SLIT3: variants seen among roughly 807,000 people sequenced by gnomAD.
SLIT3 encodes the protein slit homolog 3 protein.
SLIT3 carries 68 observed loss-of-function variants against 184.0 expected under a neutral mutation model. That is an observed-to-expected ratio of 0.37 (90% confidence interval 0.30 to 0.45). The LOEUF (loss-of-function observed/expected upper bound fraction) is 0.45. SLIT3 is among the 20% of genes least tolerant of loss of function. The pLI is 1.00. For missense variants in SLIT3, 1,707 were observed against 2,026.0 expected (o/e 0.84, Z 3.02); for synonymous variants, 831 against 828.6 (o/e 1.00, Z -0.05).
chr5:168,793,411 A>G (rs1756453824), intron 10 of SLIT3, among the ~76,000 whole-genome samples: 1 of 152,130 alleles, frequency 6.6e-6, no homozygotes, highest in Admixed American at 6.5e-5. Context: ...CTCCCAAACC[A>G]TTGATTGCAC....
At chr5:168,962,938 T>A (rs1763067182) in intron 4 of SLIT3, among the ~76,000 whole-genome samples, 1 of 152,192 alleles carries the variant, frequency 6.6e-6, no homozygotes, top group Non-Finnish European at 1.5e-5. Context: ...TCCTTCCCCA[T>A]CACTCCATCC....
At chr5:168,692,903 C>T (rs999414215) in intron 28 of SLIT3, among the ~76,000 whole-genome samples, 2 of 152,166 alleles carry the variant, frequency 1.3e-5, no homozygotes, top group Non-Finnish European at 2.9e-5. Context: ...TTGGCAGTGA[C>T]CACGGGAAGA....
rs187770166 is a variant in SLIT3 at position 168,755,623 on chromosome 5, A to C, written c.1686-1616T>G. ...CTAATTTTTTGTATTTTTAGTAGAG[A>C]TAGGGTTTCACCATGTTGGCCAGGC... On this transcript the variant is annotated intron_variant, in intron 16 of 35. Coordinates refer to ENST00000519560, the MANE Select transcript of SLIT3 (RefSeq NM_003062.4). Among the ~76,000 whole-genome samples, 587 of 151,936 alleles carry C rather than the reference A, an allele frequency of 3.9e-3. 5 individuals carry two copies. Among genetic ancestry groups the C allele is most frequent in the Non-Finnish European group, 6.5e-3 (442 of 67,994 alleles).
intron 4 of SLIT3, among the ~76,000 whole-genome samples, chr5:168,891,914 G>C (rs537609279): frequency 6.6e-6 from 1 of 152,172 alleles, no homozygotes. Context: ...GTCAGAAAGC[G>C]AGCTGGGGAT....
chr5:168,714,335 G>C (rs1170214731), intron 23 of SLIT3, among the ~76,000 whole-genome samples: 2 of 152,334 alleles, frequency 1.3e-5, no homozygotes, highest in African/African-American at 4.8e-5. Context: ...CCCCTGGAGA[G>C]GCATGAGGCC....
chr5:169,188,571 C>T (rs1445599922), intron 4 of SLIT3, among the ~76,000 whole-genome samples: 1 of 152,142 alleles, frequency 6.6e-6, no homozygotes, highest in Admixed American at 6.5e-5. Context: ...GTGCAGTGTT[C>T]ATCCAACCCT....
chr5:168,714,160 A>G (rs1252540735), intron 23 of SLIT3, among the ~76,000 whole-genome samples: 1 of 152,204 alleles, frequency 6.6e-6, no homozygotes, highest in Non-Finnish European at 1.5e-5. Context: ...CCGAGTAAGG[A>G]AGAGCTAGAA....
chr5:168,930,301 G>C (rs1045158166), intron 4 of SLIT3, among the ~76,000 whole-genome samples: 1 of 152,318 alleles, frequency 6.6e-6, no homozygotes, highest in African/African-American at 2.4e-5. Context: ...GTGAGGAGGA[G>C]AGTAAACCCT....
At chr5:169,275,463 G>A (rs745735112) in intron 1 of SLIT3, among the ~76,000 whole-genome samples, 9 of 152,146 alleles carry the variant, frequency 5.9e-5, no homozygotes, top group Non-Finnish European at 1.2e-4. Context: ...TCCTGATGTC[G>A]CTGTGTCACA....
chr5:169,089,058 A>AAAAAAAAAAAAAAAAAGG (rs1759461176), intron 4 of SLIT3, among the ~76,000 whole-genome samples: 1 of 137,254 alleles, frequency 7.3e-6, no homozygotes, highest in Non-Finnish European at 1.6e-5. Context: ...AAAAAAAAGA[A>AAAAAAAAAAAAAAAAAGG]GTGCTGACTC....
At chr5:168,884,416 C>A in intron 4 of SLIT3, among the ~76,000 whole-genome samples, 1 of 66,970 alleles carries the variant, frequency 1.5e-5, no homozygotes, top group African/African-American at 4.2e-5. Flanking sequence ...AGGTGTCTCT[C>A]TCTCTCTCTC....
intron 9 of SLIT3, among the ~76,000 whole-genome samples, chr5:168,799,884 G>T (rs1756704961): frequency 6.6e-6 from 1 of 152,148 alleles, no homozygotes. Flanking sequence ...CTAAGGTCAG[G>T]TAGCTAGTGA....
chr5:168,932,390 A>ACACACACC (rs1762018312), intron 4 of SLIT3, among the ~76,000 whole-genome samples: 2 of 134,236 alleles, frequency 1.5e-5, no homozygotes, highest in Admixed American at 1.5e-4. Context: ...ACACACACAC[A>ACACACACC]CTACACACAC....
At chr5:169,162,983 A>G (rs1277774578) in intron 4 of SLIT3, among the ~76,000 whole-genome samples, 1 of 152,138 alleles carries the variant, frequency 6.6e-6, no homozygotes, top group Non-Finnish European at 1.5e-5. Context: ...CACAGAGTAA[A>G]TATCTCAATA....
chr5:169,262,136 C>T (rs973870640), intron 1 of SLIT3, among the ~76,000 whole-genome samples: 13 of 152,042 alleles, frequency 8.6e-5, no homozygotes, highest in African/African-American at 2.7e-4. Flanking sequence ...AGCAGAGGGC[C>T]GAGACAAATG....
chr5:168,832,381 T>C (rs914399992), intron 6 of SLIT3, among the ~76,000 whole-genome samples: 2 of 152,238 alleles, frequency 1.3e-5, no homozygotes, highest in African/African-American at 4.8e-5. Flanking sequence ...TGAATGTGTA[T>C]ACTAGGCATG....
intron 4 of SLIT3, among the ~76,000 whole-genome samples, chr5:169,096,575 T>C (rs1437927045): frequency 6.6e-6 from 1 of 152,226 alleles, no homozygotes; most frequent in Non-Finnish European, 1.5e-5. Context: ...TGGACAGAAT[T>C]TGGCCCAAAG....
At chr5:169,131,909 A>C (rs182002039) in intron 4 of SLIT3, among the ~76,000 whole-genome samples, 55 of 152,324 alleles carry the variant, frequency 3.6e-4, no homozygotes, top group African/African-American at 1.3e-3. Context: ...GAGAGAGGGC[A>C]CTTCACAAGT....
At chr5:168,867,032 A>G (rs749211427) in intron 5 of SLIT3, among the ~76,000 whole-genome samples, 6 of 152,176 alleles carry the variant, frequency 3.9e-5, no homozygotes, top group Admixed American at 1.3e-4. Flanking sequence ...GTCGTTCTCA[A>G]AAGTTATAGA....
Sources: allele counts gnomAD v4.1 joint callset (sites outside exome capture counted in the v4.1 genomes callset), GRCh38; gene constraint gnomAD v4.1.1; transcripts MANE v1.5; gene names NCBI Gene and HGNC (gene_info 2026-07-23, HGNC 2026-07-21).